The following CCDC92 variants were observed in gnomAD, a reference collection of about 807,000 sequenced individuals.
The protein encoded by CCDC92 is coiled-coil domain containing 92.
In CCDC92, 12 loss-of-function variants were observed where a neutral mutation model predicts 24.9. That is an observed-to-expected ratio of 0.48 (90% confidence interval 0.31 to 0.78). CCDC92 has a LOEUF of 0.78. Ranked by LOEUF, CCDC92 falls within the 30% of genes least tolerant of loss-of-function variation. CCDC92 has a pLI of 0.05. For synonymous variants in CCDC92, 193 were observed against 196.3 expected (o/e 0.98, Z 0.14); for missense variants, 399 against 439.4 (o/e 0.91, Z 0.82).
chr12:123,936,778 T>C lies in CCDC92; in HGVS notation c.*280A>G, dbSNP rs1955508641. The C allele has an allele frequency of 1.6e-5, 9 of 561,256 alleles. No individual in the cohort carries two copies. The highest frequency in any genetic ancestry group is 2.8e-5 in the Non-Finnish European group (9 of 315,998). 34.8% of individuals were successfully genotyped at this position (561,256 alleles called of 1,614,324 possible). A position where few individuals can be genotyped will look rare whatever the true frequency, so the allele number is the denominator to read the frequency against. On this transcript the variant is annotated 3_prime_UTR_variant, in exon 5 of 5. Coordinates refer to ENST00000238156, the MANE Select transcript of CCDC92 (RefSeq NM_025140.3). Reference sequence around the variant, plus strand: ...CATCAGTAGTGACGCAGCCGTGGCCTGGGCTTTGCCTGCAGCGCACTTAGG... The same window carrying C: ...CATCAGTAGTGACGCAGCCGTGGCCCGGGCTTTGCCTGCAGCGCACTTAGG...
At chr12:123,968,737 G>T (rs1053326249) in intron 1 of CCDC92, among the ~76,000 whole-genome samples, 4 of 152,088 alleles carry the variant, frequency 2.6e-5, no homozygotes, top group African/African-American at 7.2e-5. Flanking sequence ...TTTAAAAAGT[G>T]AAAAGCATGA....
At chr12:123,949,861 T>C (rs1955979752) in intron 1 of CCDC92, among the ~76,000 whole-genome samples, 1 of 152,184 alleles carries the variant, frequency 6.6e-6, no homozygotes, top group Non-Finnish European at 1.5e-5. Flanking sequence ...CCGAGTATGC[T>C]CTCCAGCAGC....
At chr12:123,959,601 G>A (rs564206891) in intron 1 of CCDC92, among the ~76,000 whole-genome samples, 45 of 152,172 alleles carry the variant, frequency 3.0e-4, no homozygotes, top group Admixed American at 1.8e-3. Flanking sequence ...CACCGCATGC[G>A]GCCTTAGGTG....
intron 1 of CCDC92, among the ~76,000 whole-genome samples, chr12:123,949,200 C>T (rs962085573): frequency 4.6e-5 from 7 of 152,250 alleles, no homozygotes; most frequent in African/African-American, 1.7e-4. Context: ...AGCTGTGTGT[C>T]AGCCAGGAAT....
At chr12:123,952,467 A>G (rs997137782) in intron 1 of CCDC92, among the ~76,000 whole-genome samples, 19 of 152,246 alleles carry the variant, frequency 1.2e-4, no homozygotes, top group Non-Finnish European at 1.8e-4. Context: ...CACGAGGCTA[A>G]AAAATGGTCC....
Position 123,937,345 on chromosome 12 carries a change from C to T in CCDC92, c.709G>A (p.Val237Met). ...ESRKLLLREP[V>M]DAMPDPTPFL... ...GGGGTGGGGTCGGGCATAGCATCCA[C>T]TGGTTCCCGCAAAAGGAGTTTCCTG... Residue 237 changes from valine to methionine, a missense_variant, in exon 5 of 5, where the codon GTG becomes ATG. Val to Met is a conservative substitution (Grantham distance 21). Coordinates refer to ENST00000238156, the MANE Select transcript of CCDC92 (RefSeq NM_025140.3). The surrounding 1 kb of genome is among the most constrained non-coding windows in gnomAD (Gnocchi z 8.4). The T allele has an allele frequency of 6.2e-7, 1 of 1,614,042 alleles. No homozygotes were observed. The highest frequency in any genetic ancestry group is 1.3e-5 in the African/African-American group (1 of 75,062).
chr12:123,970,808 C>T (rs913172687), intron 1 of CCDC92, among the ~76,000 whole-genome samples: 15 of 152,260 alleles, frequency 9.9e-5, no homozygotes, highest in African/African-American at 3.4e-4. Context: ...GCCAGAAATA[C>T]GAGAAAATGC....
intron 1 of CCDC92, chr12:123,971,386 A>G (rs1956528590): frequency 6.6e-6 from 1 of 152,124 alleles, no homozygotes; most frequent in Non-Finnish European, 1.5e-5. Flanking sequence ...CTTACAATGC[A>G]ATAGCGAGAA....
In CCDC92 at chr12:123,937,418, G is replaced by A. The variant is rs1955545401; in HGVS notation, c.636C>T (p.Ala212=). 2 of 1,613,818 alleles carry A rather than the reference G, an allele frequency of 1.2e-6. No homozygotes were observed. The highest frequency in any genetic ancestry group is 4.5e-5 in the East Asian group (2 of 44,870). ...PRRRMKKSLS[A]PLHPEFEEVY... ...CCTCTTCAAATTCCGGGTGCAAGGG[G>A]GCTGAGAGGCTCTTTTTCATGCGGC... Residue 212 remains alanine (A), a synonymous_variant, in exon 5 of 5, where the codon GCC becomes GCT. Transcript: ENST00000238156. The surrounding 1 kb of genome is among the most constrained non-coding windows in gnomAD (Gnocchi z 8.4).
At chr12:123,958,903 C>T (rs1382350971) in intron 1 of CCDC92, among the ~76,000 whole-genome samples, 1 of 152,182 alleles carries the variant, frequency 6.6e-6, no homozygotes, top group Non-Finnish European at 1.5e-5. Flanking sequence ...CGTCAGAATT[C>T]ATGTTAGCTG....
intron 1 of CCDC92, among the ~76,000 whole-genome samples, chr12:123,952,955 G>A (rs547794845): frequency 1.3e-5 from 2 of 152,262 alleles, no homozygotes; most frequent in East Asian, 3.9e-4. Flanking sequence ...CCATATCCGA[G>A]TTGCAACCTC....
intron 1 of CCDC92, among the ~76,000 whole-genome samples, chr12:123,968,836 G>A (rs1267591178): frequency 6.6e-6 from 1 of 152,260 alleles, no homozygotes; most frequent in Non-Finnish European, 1.5e-5. Context: ...TCATCTGCTA[G>A]AGAACGAGAG....
chr12:123,937,367 C>T lies in CCDC92; in HGVS notation c.687G>A (p.Arg229=). Reference sequence around the variant, plus strand: ...CCACTGGTTCCCGCAAAAGGAGTTTCCTGCTCTCTGCCCCGAATCTGTAGA... The same window carrying T: ...CCACTGGTTCCCGCAAAAGGAGTTTTCTGCTCTCTGCCCCGAATCTGTAGA... The part of the protein sequence containing the change: ...EEVYRFGAES[R]KLLLREPVDA... Residue 229 remains arginine, a synonymous_variant, in exon 5 of 5, where the codon AGG becomes AGA. Transcript: ENST00000238156. The surrounding 1 kb of genome is among the most constrained non-coding windows in gnomAD (Gnocchi z 8.4). The T allele has an allele frequency of 6.2e-7, 1 of 1,614,064 alleles. No homozygotes were observed.
At chr12:123,972,316 C>T (rs902522890) in intron 1 of CCDC92, among the ~76,000 whole-genome samples, 3 of 152,106 alleles carry the variant, frequency 2.0e-5, no homozygotes, top group Non-Finnish European at 4.4e-5. Flanking sequence ...CCCGGGGCCA[C>T]CCCTGCCCCT....
intron 1 of CCDC92, among the ~76,000 whole-genome samples, chr12:123,950,951 C>T (rs1956009866): frequency 6.6e-6 from 1 of 152,180 alleles, no homozygotes; most frequent in Non-Finnish European, 1.5e-5. Flanking sequence ...CTGCCCTCCC[C>T]AGCGGCATCC....
rs369508775 is a variant in CCDC92 at position 123,942,982 on chromosome 12, C to T, written c.182-197G>A. Among the ~76,000 whole-genome samples, 40 of 152,266 alleles carry T rather than the reference C, an allele frequency of 2.6e-4. 1 individual carries two copies. In the South Asian group the frequency reaches 8.3e-3, roughly 32 times the overall value. ...CTGTGCTCCCTGGGGTCAGAGGGCA[C>T]CCTCTGTTCCCCCAAACTCCCTTCC... On this transcript the variant is annotated intron_variant, in intron 3 of 4. Coordinates refer to ENST00000238156, the MANE Select transcript of CCDC92 (RefSeq NM_025140.3).
chr12:123,942,408 C>T (rs1024872990), intron 4 of CCDC92, among the ~76,000 whole-genome samples: 1 of 152,244 alleles, frequency 6.6e-6, no homozygotes, highest in Non-Finnish European at 1.5e-5. Context: ...GCTGTTACTC[C>T]TCCTTTTGGG....
At chr12:123,971,591 C>T (rs1371899012) in intron 1 of CCDC92, 1 of 152,158 alleles carries the variant, frequency 6.6e-6, no homozygotes, top group African/African-American at 2.4e-5. Flanking sequence ...GTTATAAAAC[C>T]GACTACTGCA....
At chr12:123,965,315 T>C (rs1956366219) in intron 1 of CCDC92, among the ~76,000 whole-genome samples, 2 of 152,352 alleles carry the variant, frequency 1.3e-5, no homozygotes, top group African/African-American at 2.4e-5. Flanking sequence ...GAAAAGCAAA[T>C]TGATCTTTGG....
Sources: gnomAD v4.1 joint callset for allele counts (sites outside exome capture counted in the v4.1 genomes callset) on GRCh38, gnomAD v4.1.1 for gene constraint, Gnocchi (gnomAD v3.1) non-coding constraint, MANE v1.5 for transcripts, NCBI Gene and HGNC (gene_info 2026-07-23, HGNC 2026-07-21) for gene names.